Variants in PZP observed in about 807,000 individuals in gnomAD.
PZP encodes the protein pregnancy zone protein.
In PZP, 150 loss-of-function variants were observed where a neutral mutation model predicts 179.8. That is an observed-to-expected ratio of 0.83 (90% confidence interval 0.73 to 0.96). The LOEUF (loss-of-function observed/expected upper bound fraction) is 0.96. Ranked by LOEUF, PZP falls within the 40% of genes least tolerant of loss-of-function variation. PZP has a pLI of 0.00. For synonymous variants in PZP, 624 were observed against 652.3 expected (o/e 0.96, Z 0.66); for missense variants, 1,689 against 1,764.0 (o/e 0.96, Z 0.76).
chr12:9,195,870 A>T (rs1174836765), intron 10 of PZP, among the ~76,000 whole-genome samples: 1 of 79,384 alleles, frequency 1.3e-5, no homozygotes. Context: ...ATAAAAATAT[A>T]ATAATAATAA....
At chr12:9,160,514 G>A (rs373545090) in intron 23 of PZP, 24 bp from the exon 24 acceptor site, 15 of 1,599,696 alleles carry the variant, frequency 9.4e-6, no homozygotes, top group Non-Finnish European at 1.2e-5. Flanking sequence ...AAGATTAGAT[G>A]TCAGAATAAT....
In PZP at chr12:9,201,335, A is replaced by T. The variant is rs745763355; in HGVS notation, c.493T>A (p.Tyr165Asn). The change falls in exon 5 of 36, where the codon TAC becomes AAC. Residue 165 changes from tyrosine to asparagine, a missense_variant. Coordinates refer to ENST00000261336, the MANE Select transcript of PZP (RefSeq NM_002864.3). ...RPRNELIPLI[Y>N]LENPRRNRIA... Reference sequence around the variant, plus strand: ...CTTTTTCTGATACTTACCTCAAGGTATATCAGTGGAATCTATATGATAAAA... The same window carrying T: ...CTTTTTCTGATACTTACCTCAAGGTTTATCAGTGGAATCTATATGATAAAA... 2 of 1,556,786 alleles carry T rather than the reference A, an allele frequency of 1.3e-6. No homozygotes were observed. The highest frequency in any genetic ancestry group is 3.5e-5 in the Admixed American group (2 of 57,702).
chr12:9,206,106 C>G (rs1944426932), intron 1 of PZP, among the ~76,000 whole-genome samples: 1 of 152,128 alleles, frequency 6.6e-6, no homozygotes, highest in African/African-American at 2.4e-5. Flanking sequence ...TCTCTTATGT[C>G]TTAATCTTTT....
intron 15 of PZP, among the ~76,000 whole-genome samples, chr12:9,172,011 A>G (rs1482438160): frequency 2.0e-5 from 3 of 152,156 alleles, no homozygotes; most frequent in Non-Finnish European, 4.4e-5. Context: ...GATACTCCAC[A>G]AGAACATCAA....
chr12:9,148,826 G>T, downstream of PZP: 1 of 646,940 alleles, frequency 1.5e-6, no homozygotes. Flanking sequence ...ATGAATGAAT[G>T]ATGCAACAAG....
At chr12:9,152,170 A>G (rs747692925) in intron 32 of PZP, 50 bp downstream of exon 32, 2 of 1,294,656 alleles carry the variant, frequency 1.5e-6, no homozygotes, top group African/African-American at 2.9e-5. Context: ...TAGTTTGGGG[A>G]TACAGAACAT....
chr12:9,161,046 A>G lies in PZP; in HGVS notation c.2859T>C (p.Ser953=), dbSNP rs1382093987. Residue 953 remains serine, a synonymous_variant, in exon 23 of 36, where the codon TCT becomes TCC. Transcript: ENST00000261336. ...AAGGTGACTCACCCAGAACTGAGAA[A>G]GAAGCTCTGGCAGATTCTTTGACCA... ...SNVVKESARA[S]FSVLGDILGS... The G allele has an allele frequency of 6.3e-7, 1 of 1,592,654 alleles. No homozygotes were observed. Among genetic ancestry groups the G allele is most frequent in the Admixed American group, 1.7e-5 (1 of 59,998 alleles).
intron 7 of PZP, 98 bp downstream of exon 7, chr12:9,200,266 A>T: frequency 1.3e-6 from 1 of 745,520 alleles, no homozygotes; most frequent in Non-Finnish European, 2.1e-6. Context: ...TAATATTACA[A>T]AAGTGCTGAG....
At position 9,157,332 on chromosome 12, in the gene PZP, CAG is replaced by C. The variant is rs1274141910; in HGVS notation, c.3391_3392del (p.Leu1131ValfsTer39). ...PVTNPIVRNALFCLESAWNVA... is the reference protein window; with the variant it reads ...PVTNPIVRNAXFCLESAWNVA... The stretch of plus-strand genomic sequence containing the variant: ...CATTCCAGGCTGACTCCAGGCAGAA[CAG>C]GGCATTGCGAACAATAGGGTTCTGT... On this transcript the variant is annotated frameshift_variant, in exon 28 of 36. Transcript: ENST00000261336. LOFTEE classifies it high-confidence loss of function. The C allele has an allele frequency of 6.2e-7, 1 of 1,613,810 alleles. No homozygotes were observed.
chr12:9,205,694 A>G (rs1944410131), intron 1 of PZP, among the ~76,000 whole-genome samples: 1 of 152,118 alleles, frequency 6.6e-6, no homozygotes, highest in Non-Finnish European at 1.5e-5. Flanking sequence ...AAAAACTATT[A>G]TTTTCTTATA....
intron 15 of PZP, among the ~76,000 whole-genome samples, chr12:9,173,659 T>A (rs1474302983): frequency 1.3e-5 from 2 of 152,024 alleles, no homozygotes; most frequent in Non-Finnish European, 2.9e-5. Context: ...ACCACTGACC[T>A]CACAGAAACG....
At chr12:9,162,389 C>A (rs898507816) in intron 22 of PZP, 9 of 539,152 alleles carry the variant, frequency 1.7e-5, no homozygotes, top group Middle Eastern at 4.5e-4. Flanking sequence ...AGGTATTAGT[C>A]CTGTCTGTAC....
At chr12:9,188,043 C>T (rs1019157862) in intron 13 of PZP, among the ~76,000 whole-genome samples, 2 of 152,234 alleles carry the variant, frequency 1.3e-5, no homozygotes, top group South Asian at 2.1e-4. Context: ...GCCAAACGTC[C>T]TTGATGAACA....
chr12:9,184,781 A>G (rs905566710), intron 13 of PZP, among the ~76,000 whole-genome samples: 3 of 152,222 alleles, frequency 2.0e-5, no homozygotes, highest in Non-Finnish European at 2.9e-5. Context: ...GAGTTACAGC[A>G]TGCAATCCAG....
chr12:9,185,062 G>T (rs1360232057), intron 13 of PZP, among the ~76,000 whole-genome samples: 1 of 152,166 alleles, frequency 6.6e-6, no homozygotes, highest in Non-Finnish European at 1.5e-5. Flanking sequence ...CTCCAGCAAG[G>T]GTTCTTAATA....
chr12:9,169,649 A>T, intron 15 of PZP, 58 bp from the exon 16 acceptor site: 1 of 1,423,928 alleles, frequency 7.0e-7, no homozygotes, highest in Admixed American at 2.5e-5. Flanking sequence ...TTGAAATAGA[A>T]TGAACTGAGA....
chr12:9,192,432 T>G (rs1390833564), intron 12 of PZP, 80 bp downstream of exon 12: 1 of 1,403,484 alleles, frequency 7.1e-7, no homozygotes, highest in East Asian at 2.3e-5. Context: ...TGCAAGTAGT[T>G]TATTTTGACA....
In PZP at chr12:9,202,687, A is replaced by G. The variant is rs374560832; in HGVS notation, c.268-3T>C. On this transcript the variant is annotated splice_region_variant and splice_polypyrimidine_tract_variant and intron_variant, in intron 2 of 35. Coordinates refer to ENST00000261336, the MANE Select transcript of PZP (RefSeq NM_002864.3). ...GAAGAGGCTGAGATCCTTGGGAGCT[A>G]AAAAGCAAAGGATTTTTTACTACTG... The G allele has an allele frequency of 9.3e-6, 15 of 1,612,576 alleles. No homozygotes were observed. In the African/African-American group the frequency reaches 1.2e-4, roughly 13 times the overall value.
At chr12:9,155,534 T>C (rs949764770) in intron 28 of PZP, among the ~76,000 whole-genome samples, 5 of 152,156 alleles carry the variant, frequency 3.3e-5, no homozygotes, top group East Asian at 3.9e-4. Context: ...TACTCAGAAA[T>C]AGTTTCCACT....
Sources: gnomAD v4.1 joint callset for allele counts (sites outside exome capture counted in the v4.1 genomes callset) on GRCh38, gnomAD v4.1.1 for gene constraint, MANE v1.5 for transcripts, NCBI Gene and HGNC (gene_info 2026-07-23, HGNC 2026-07-21) for gene names.